Variants in TMEM229B observed in about 807,000 individuals in gnomAD.
TMEM229B encodes the protein chromosome 14 open reading frame 83.
A neutral mutation model predicts 13.7 loss-of-function variants in TMEM229B; 6 were observed. The observed-to-expected ratio is 0.44, with a 90% CI of 0.24 to 0.86. The LOEUF is 0.86. Ranked by LOEUF, TMEM229B falls within the 40% of genes least tolerant of loss-of-function variation. The pLI is 0.23. For missense variants in TMEM229B, 170 were observed against 236.0 expected, an observed-to-expected ratio of 0.72 and a Z score of 1.83; for synonymous variants, 107 against 102.1, an observed-to-expected ratio of 1.05 and a Z score of -0.29.
intron 1 of TMEM229B, among the ~76,000 whole-genome samples, chr14:67,525,786 A>G (rs969610682): frequency 6.6e-6 from 1 of 152,238 alleles, no homozygotes; most frequent in Non-Finnish European, 1.5e-5. Context: ...TTTGCCTCCC[A>G]AAAGAACCAT....
intron 1 of TMEM229B, among the ~76,000 whole-genome samples, chr14:67,506,932 T>TGA (rs1395034253): frequency 6.6e-6 from 1 of 152,092 alleles, no homozygotes. Flanking sequence ...TGCAGTGAGC[T>TGA]GAGATCGTGC....
upstream of TMEM229B, among the ~76,000 whole-genome samples, chr14:67,490,273 C>T (rs1229031423): frequency 2.0e-5 from 3 of 152,192 alleles, no homozygotes; most frequent in Non-Finnish European, 2.9e-5. Context: ...AGTGTGCTCA[C>T]TCTCCTTTCT....
upstream of TMEM229B, among the ~76,000 whole-genome samples, chr14:67,516,440 C>T (rs1363695885): frequency 6.6e-6 from 1 of 152,090 alleles, no homozygotes; most frequent in South Asian, 2.1e-4. Flanking sequence ...AGGCTGAAGC[C>T]CTTACCCCTT....
intron 1 of TMEM229B, among the ~76,000 whole-genome samples, chr14:67,509,362 A>C (rs2032949697): frequency 6.6e-6 from 1 of 151,988 alleles, no homozygotes; most frequent in Non-Finnish European, 1.5e-5. Context: ...CTTGTTGTCC[A>C]AGCTGGAGTG....
upstream of TMEM229B, among the ~76,000 whole-genome samples, chr14:67,490,766 C>T (rs1418427060): frequency 1.3e-5 from 2 of 152,144 alleles, no homozygotes; most frequent in Non-Finnish European, 2.9e-5. Context: ...AATACTACCT[C>T]TGTTTTTTTA....
chr14:67,481,934 A>G (rs1286860777), intron 2 of TMEM229B, among the ~76,000 whole-genome samples: 4 of 152,248 alleles, frequency 2.6e-5, no homozygotes, highest in Admixed American at 1.3e-4. Flanking sequence ...AGGAACAGAA[A>G]TTCAGGGTGG....
At chr14:67,481,682 G>A (rs2031594969) in intron 2 of TMEM229B, among the ~76,000 whole-genome samples, 1 of 152,168 alleles carries the variant, frequency 6.6e-6, no homozygotes, top group African/African-American at 2.4e-5. Context: ...TTAACTTTGA[G>A]CTAGGACAGG....
upstream of TMEM229B, among the ~76,000 whole-genome samples, chr14:67,491,659 G>C (rs760168028): frequency 6.6e-6 from 1 of 152,152 alleles, no homozygotes; most frequent in Admixed American, 6.6e-5. Flanking sequence ...ATGCCTAAAG[G>C]CCCACTGGGG....
chr14:67,496,420 T>TTTTTTTTTTTC (rs2032381994), intron 1 of TMEM229B, among the ~76,000 whole-genome samples: 2 of 124,176 alleles, frequency 1.6e-5, no homozygotes, highest in Non-Finnish European at 1.7e-5. Flanking sequence ...TTTTTTTTTT[T>TTTTTTTTTTTC]TGAGACAGGG....
chr14:67,503,240 A>C (rs2140205376), intron 1 of TMEM229B, among the ~76,000 whole-genome samples: 1 of 152,344 alleles, frequency 6.6e-6, no homozygotes, highest in South Asian at 2.1e-4. Flanking sequence ...ACAAACTTGC[A>C]GCAGAGATGG....
chr14:67,477,036 T>C (rs1020515907), intron 2 of TMEM229B, among the ~76,000 whole-genome samples: 1 of 152,096 alleles, frequency 6.6e-6, no homozygotes, highest in African/African-American at 2.4e-5. Flanking sequence ...TGTGGTGGCA[T>C]GCGCCTATAA....
intron 1 of TMEM229B, among the ~76,000 whole-genome samples, chr14:67,494,370 G>A (rs936977397): frequency 6.6e-6 from 1 of 152,194 alleles, no homozygotes; most frequent in Non-Finnish European, 1.5e-5. Flanking sequence ...GACCCAAAGA[G>A]GTTATGCAGC....
At chr14:67,485,676 A>G (rs1314717460) in intron 2 of TMEM229B, among the ~76,000 whole-genome samples, 1 of 152,198 alleles carries the variant, frequency 6.6e-6, no homozygotes, top group Non-Finnish European at 1.5e-5. Flanking sequence ...CAGGCCAGAC[A>G]GGCCTCTGGG....
chr14:67,529,563 G>A (rs747886339), intron 1 of TMEM229B, among the ~76,000 whole-genome samples: 72 of 151,910 alleles, frequency 4.7e-4, no homozygotes, highest in African/African-American at 1.4e-3. Context: ...ACATATACAC[G>A]CTCACACACA....
chr14:67,510,389 C>T (rs111303939), intron 1 of TMEM229B, among the ~76,000 whole-genome samples: 15 of 152,136 alleles, frequency 9.9e-5, no homozygotes, highest in African/African-American at 2.9e-4. Flanking sequence ...CACACACAGA[C>T]GAATCATTGC....
intron 1 of TMEM229B, among the ~76,000 whole-genome samples, chr14:67,504,412 T>G (rs371214456): frequency 6.6e-6 from 1 of 152,232 alleles, no homozygotes; most frequent in South Asian, 2.1e-4. Context: ...CCTGGCATTA[T>G]AAGCTACCAA....
At chr14:67,507,067 C>T (rs2032854852) in intron 1 of TMEM229B, among the ~76,000 whole-genome samples, 1 of 152,104 alleles carries the variant, frequency 6.6e-6, no homozygotes, top group Non-Finnish European at 1.5e-5. Context: ...ATTCCATGAA[C>T]AAAGAAGACG....
intron 2 of TMEM229B, among the ~76,000 whole-genome samples, chr14:67,483,253 T>C (rs985088983): frequency 6.6e-6 from 1 of 152,112 alleles, no homozygotes; most frequent in Admixed American, 6.5e-5. Context: ...TCAAGTGATC[T>C]GCCTGCCTCG....
chr14:67,513,610 T>C (rs1216248115), intron 1 of TMEM229B, among the ~76,000 whole-genome samples: 6 of 152,188 alleles, frequency 3.9e-5, no homozygotes, highest in African/African-American at 1.2e-4. Flanking sequence ...AGCACACCCC[T>C]GAGCAAAGTG....
Sources: allele counts gnomAD v4.1 joint callset (sites outside exome capture counted in the v4.1 genomes callset), GRCh38; gene constraint gnomAD v4.1.1; transcripts MANE v1.5; gene names NCBI Gene and HGNC (gene_info 2026-07-23, HGNC 2026-07-21).